Variants in ZMYM4 observed in about 807,000 individuals in gnomAD.
ZMYM4 encodes the protein zinc finger MYM-type protein 4.
A neutral mutation model predicts 183.2 loss-of-function variants in ZMYM4; 31 were observed. That is an observed-to-expected ratio of 0.17 (90% CI 0.13 to 0.23). The LOEUF is 0.23. ZMYM4 is among the 10% of genes least tolerant of loss of function. The probability of loss-of-function intolerance (pLI) is 1.00; values close to 1 mark genes in which losing one functional copy is unlikely to be tolerated. For synonymous variants in ZMYM4, 592 were observed against 631.2 expected (o/e 0.94, Z 0.93); for missense variants, 1,273 against 1,840.3 (o/e 0.69, Z 5.64).
intron 1 of ZMYM4, among the ~76,000 whole-genome samples, chr1:35,323,962 C>G (rs1371397188): frequency 6.6e-6 from 1 of 152,208 alleles, no homozygotes; most frequent in South Asian, 2.1e-4. Flanking sequence ...CCTTTACTTT[C>G]CAATGTTTAC....
At chr1:35,355,791 T>G (rs1373950902) in intron 2 of ZMYM4, among the ~76,000 whole-genome samples, 3 of 152,206 alleles carry the variant, frequency 2.0e-5, no homozygotes, top group Non-Finnish European at 4.4e-5. Flanking sequence ...AAAATAATTC[T>G]TCCGTAGTTT....
chr1:35,380,906 T>C (rs1644443576), intron 7 of ZMYM4, among the ~76,000 whole-genome samples: 1 of 152,212 alleles, frequency 6.6e-6, no homozygotes, highest in South Asian at 2.1e-4. Flanking sequence ...ACAGTATTTT[T>C]TAAAGAATAT....
intron 1 of ZMYM4, among the ~76,000 whole-genome samples, chr1:35,286,428 T>C (rs1640483856): frequency 6.6e-6 from 1 of 152,056 alleles, no homozygotes; most frequent in Admixed American, 6.5e-5. Context: ...ACTTCAGACC[T>C]GGAATTAACT....
intron 1 of ZMYM4, among the ~76,000 whole-genome samples, chr1:35,325,116 G>A (rs1642451635): frequency 6.6e-6 from 1 of 151,900 alleles, no homozygotes; most frequent in Non-Finnish European, 1.5e-5. Context: ...AAAAAAATAA[G>A]TAGTTGTTTA....
At chr1:35,333,343 C>T (rs527479152) in intron 2 of ZMYM4, among the ~76,000 whole-genome samples, 5 of 151,178 alleles carry the variant, frequency 3.3e-5, no homozygotes, top group East Asian at 2.0e-4. Context: ...CTGTAGCTTC[C>T]GCCTCCTGGG....
chr1:35,269,120 G>GGCGGGGC (rs1251110821), intron 1 of ZMYM4, 35 bp downstream of exon 1: 2 of 1,544,004 alleles, frequency 1.3e-6, no homozygotes, highest in Non-Finnish European at 1.7e-6. Context: ...GGCGGCGGGG[G>GGCGGGGC]GCGGGGCGCG....
intron 1 of ZMYM4, among the ~76,000 whole-genome samples, chr1:35,311,923 T>C (rs1174144623): frequency 6.6e-6 from 1 of 152,138 alleles, no homozygotes; most frequent in African/African-American, 2.4e-5. Flanking sequence ...GAGGTCTCAC[T>C]CTGTCACCCA....
intron 2 of ZMYM4, among the ~76,000 whole-genome samples, chr1:35,355,230 G>GTTTTT (rs1643779844): frequency 9.8e-6 from 1 of 101,716 alleles, no homozygotes; most frequent in East Asian, 4.1e-4. Flanking sequence ...TTTTTTTTAA[G>GTTTTT]TAGAGACAGG....
intron 1 of ZMYM4, among the ~76,000 whole-genome samples, chr1:35,322,793 G>A (rs922602496): frequency 3.9e-5 from 6 of 152,128 alleles, no homozygotes; most frequent in East Asian, 1.9e-4. Context: ...AGGTTCAAGC[G>A]ATTCTCCTGC....
At chr1:35,315,395 C>G (rs1455226443) in intron 1 of ZMYM4, among the ~76,000 whole-genome samples, 1 of 151,832 alleles carries the variant, frequency 6.6e-6, no homozygotes, top group African/African-American at 2.4e-5. Flanking sequence ...TTTATATAAC[C>G]TTTAAAAAAA....
At chr1:35,364,726 T>C (rs553693893) in intron 5 of ZMYM4, among the ~76,000 whole-genome samples, 1 of 152,330 alleles carries the variant, frequency 6.6e-6, no homozygotes, top group South Asian at 2.1e-4. Flanking sequence ...AGCTTTAGTT[T>C]ATGGCACCTT....
In ZMYM4 at chr1:35,370,038, C is replaced by G. The variant is rs1423265021; in HGVS notation, c.850C>G (p.His284Asp). The G allele has an allele frequency of 6.2e-7, 1 of 1,612,366 alleles. No individual in the cohort carries two copies. The highest frequency in any genetic ancestry group is 8.5e-7 in the Non-Finnish European group (1 of 1,178,888). Reference sequence around the variant, plus strand: ...TTTTTCTTCTTTAAAGGAGTATAGTCATGGCCAACAGCAAAAAACTCAAGA... The same window carrying G: ...TTTTTCTTCTTTAAAGGAGTATAGTGATGGCCAACAGCAAAAAACTCAAGA... Reference protein sequence around the residue: ...DEPDNAQEYSHGQQQKTQEGE... With the variant: ...DEPDNAQEYSDGQQQKTQEGE... The change falls in exon 6 of 30, where the codon CAT (histidine) becomes GAT (aspartate). Residue 284 changes from histidine (H) to aspartate (D), a missense_variant. Transcript: ENST00000314607.
At chr1:35,324,017 A>G (rs1642403481) in intron 1 of ZMYM4, among the ~76,000 whole-genome samples, 4 of 152,154 alleles carry the variant, frequency 2.6e-5, no homozygotes, top group South Asian at 4.1e-4. Context: ...TACCTGCACT[A>G]TCATTTAAAA....
chr1:35,298,970 G>C (rs1212724756), intron 1 of ZMYM4, among the ~76,000 whole-genome samples: 1 of 151,376 alleles, frequency 6.6e-6, no homozygotes, highest in Non-Finnish European at 1.5e-5. Context: ...TTGTAGACTG[G>C]TCTGGTAGTG....
At chr1:35,280,702 T>C (rs1475393831) in intron 1 of ZMYM4, among the ~76,000 whole-genome samples, 10 of 152,188 alleles carry the variant, frequency 6.6e-5, no homozygotes, top group Non-Finnish European at 1.5e-4. Flanking sequence ...TGTGGTAGAT[T>C]ACTCCAGTTT....
intron 2 of ZMYM4, among the ~76,000 whole-genome samples, chr1:35,356,807 T>C (rs1375082251): frequency 6.6e-6 from 1 of 152,128 alleles, no homozygotes; most frequent in Non-Finnish European, 1.5e-5. Context: ...AGGGAGGATG[T>C]AATGTGAAAT....
intron 1 of ZMYM4, among the ~76,000 whole-genome samples, chr1:35,281,081 G>A (rs571061935): frequency 8.9e-4 from 136 of 152,190 alleles, no homozygotes; most frequent in African/African-American, 3.2e-3. Flanking sequence ...TCAGGAGATC[G>A]AGACCATCCT....
At chr1:35,395,016 G>A (rs760471467) in intron 18 of ZMYM4, among the ~76,000 whole-genome samples, 5 of 152,082 alleles carry the variant, frequency 3.3e-5, no homozygotes, top group Non-Finnish European at 7.4e-5. Flanking sequence ...GAGCTGCAAG[G>A]CTATCCTGTC....
rs976504126 is a variant in ZMYM4 at position 35,274,636 on chromosome 1, G to T, written c.39+5551G>T. Among the ~76,000 whole-genome samples the T allele has an allele frequency of 4.8e-5, 7 of 147,166 alleles. No individual in the cohort carries two copies. The Admixed American group carries it at 4.8e-4, about 10-fold the overall frequency. ...TTTTTTAAAAAAAAAAAAAAAAAAG[G>T]AGAGGCCATTCTAATACTGAGAATG... On this transcript the variant is annotated intron_variant, in intron 1 of 29. Transcript: ENST00000314607.
Sources: gnomAD v4.1 joint callset for allele counts (sites outside exome capture counted in the v4.1 genomes callset) on GRCh38, gnomAD v4.1.1 for gene constraint, MANE v1.5 for transcripts, NCBI Gene and HGNC (gene_info 2026-07-23, HGNC 2026-07-21) for gene names.